Variants in LPP observed in about 807,000 individuals in gnomAD.
LPP encodes the protein LIM domain containing preferred translocation partner in lipoma.
In LPP, 38 loss-of-function variants were observed where a neutral mutation model predicts 60.4. The ratio of observed to expected loss-of-function variants is 0.63; its 90% CI spans 0.49 to 0.83. LPP has a LOEUF of 0.83. Ranked by LOEUF, LPP falls within the 40% of genes least tolerant of loss-of-function variation. The pLI, the probability that LPP is intolerant of heterozygous loss-of-function variation, is 0.00. For missense variants in LPP, 902 were observed against 783.6 expected, an observed-to-expected ratio of 1.15 and a Z score of -1.80; for synonymous variants, 328 against 290.8, an observed-to-expected ratio of 1.13 and a Z score of -1.30.
intron 3 of LPP, among the ~76,000 whole-genome samples, chr3:188,388,770 G>A (rs1778969127): frequency 6.6e-6 from 1 of 152,192 alleles, no homozygotes; most frequent in African/African-American, 2.4e-5. Context: ...TGTAGTAACT[G>A]AAAGCAGTAA....
chr3:188,606,355 T>C (rs1300374273), intron 6 of LPP, among the ~76,000 whole-genome samples: 2 of 152,212 alleles, frequency 1.3e-5, no homozygotes, highest in South Asian at 2.1e-4. Flanking sequence ...TTTCCACATA[T>C]CATTTGTCTC....
intron 2 of LPP, among the ~76,000 whole-genome samples, chr3:188,268,258 A>G (rs574410733): frequency 8.5e-5 from 13 of 152,192 alleles, no homozygotes; most frequent in Admixed American, 7.9e-4. Context: ...TCTGGGGCAA[A>G]GGAGACTGTA....
chr3:188,725,294 G>C (rs879520272), intron 8 of LPP: 3 of 152,172 alleles, frequency 2.0e-5, no homozygotes, highest in Non-Finnish European at 4.4e-5. Context: ...TTCTCCTCTG[G>C]CAGATCAAGC....
At chr3:188,863,043 T>C (rs551725780) in intron 9 of LPP, among the ~76,000 whole-genome samples, 1 of 152,262 alleles carries the variant, frequency 6.6e-6, no homozygotes, top group South Asian at 2.1e-4. Context: ...GAATTATCAG[T>C]GGAGGTGCAT....
At position 188,785,535 on chromosome 3, in the gene LPP, C is replaced by CATATATATATATATAT. The variant is rs369062490; in HGVS notation, c.1410+25266_1410+25267insTATATATATATATATA. Reference sequence around the variant, plus strand: ...ATATATATATATATATATATTCCATCATATATATATATACACACACACACA... The same window carrying CATATATATATATATAT: ...ATATATATATATATATATATTCCATCATATATATATATATATATATATATATATACACACACACACA... On this transcript the variant is annotated intron_variant, in intron 9 of 11. Coordinates refer to ENST00000617246, the MANE Select transcript of LPP (RefSeq NM_001375462.1). Among the ~76,000 whole-genome samples the CATATATATATATATAT allele has an allele frequency of 2.8e-3, 44 of 15,672 alleles. 8 individuals are homozygous for CATATATATATATATAT. Among genetic ancestry groups the CATATATATATATATAT allele is most frequent in the South Asian group, 0.016 (4 of 256 alleles). 10.3% of individuals were successfully genotyped at this position (15,672 alleles called of 152,430 possible).
At chr3:188,507,562 A>G (rs1579456971) in intron 5 of LPP, among the ~76,000 whole-genome samples, 1 of 152,128 alleles carries the variant, frequency 6.6e-6, no homozygotes, top group East Asian at 1.9e-4. Flanking sequence ...CACTAGGCAC[A>G]GATTCCTCAA....
intron 2 of LPP, among the ~76,000 whole-genome samples, chr3:188,227,064 A>G (rs1268020998): frequency 6.6e-6 from 1 of 152,224 alleles, no homozygotes. Context: ...AACTGTGATA[A>G]GTATGAAGCT....
At chr3:188,633,040 C>T (rs1848123518) in intron 7 of LPP, among the ~76,000 whole-genome samples, 2 of 152,162 alleles carry the variant, frequency 1.3e-5, no homozygotes, top group South Asian at 4.1e-4. Flanking sequence ...CAGCCATCAC[C>T]CAGTGTGACC....
intron 6 of LPP, among the ~76,000 whole-genome samples, chr3:188,594,691 G>C (rs1364522423): frequency 6.6e-6 from 1 of 152,088 alleles, no homozygotes; most frequent in Non-Finnish European, 1.5e-5. Context: ...TGGGTGGTTT[G>C]GGAAAAATCC....
At chr3:188,424,762 T>C (rs1560386849) in intron 4 of LPP, among the ~76,000 whole-genome samples, 1 of 152,212 alleles carries the variant, frequency 6.6e-6, no homozygotes, top group Non-Finnish European at 1.5e-5. Context: ...CATTGGTTTA[T>C]AGGAATGCTT....
chr3:188,654,572 C>T (rs112373070), intron 7 of LPP, among the ~76,000 whole-genome samples: 11,435 of 152,058 alleles, frequency 0.075, 473 homozygotes, highest in Non-Finnish European at 0.1. Context: ...ACATATACTC[C>T]ACATATCTCC....
intron 8 of LPP, among the ~76,000 whole-genome samples, chr3:188,740,537 TTTATAA>T: frequency 6.6e-6 from 1 of 152,158 alleles, no homozygotes; most frequent in South Asian, 2.1e-4. Context: ...AGAACATTCT[TTTATAA>T]GAAGTGCTTT....
intron 5 of LPP, among the ~76,000 whole-genome samples, chr3:188,487,729 G>A (rs1209046894): frequency 6.6e-6 from 1 of 152,186 alleles, no homozygotes; most frequent in Non-Finnish European, 1.5e-5. Flanking sequence ...CCATGGTAGA[G>A]CCTAAAGTAG....
At chr3:188,522,900 GTA>G (rs77648105) in intron 5 of LPP, among the ~76,000 whole-genome samples, 22,664 of 149,522 alleles carry the variant, frequency 0.15, 2,077 homozygotes, top group Middle Eastern at 0.25. Flanking sequence ...GTGTGTGTGT[GTA>G]TATACATATA....
intron 7 of LPP, among the ~76,000 whole-genome samples, chr3:188,656,663 T>A (rs2149046382): frequency 6.6e-6 from 1 of 152,336 alleles, no homozygotes; most frequent in East Asian, 1.9e-4. Flanking sequence ...ATTTGGGAGT[T>A]CTTGCTCTTA....
intron 6 of LPP, among the ~76,000 whole-genome samples, chr3:188,579,481 A>C (rs1835540751): frequency 6.6e-6 from 1 of 152,228 alleles, no homozygotes; most frequent in Non-Finnish European, 1.5e-5. Context: ...GTAATTACTT[A>C]AATTATTTCA....
chr3:188,156,341 A>G (rs902463902), intron 1 of LPP, among the ~76,000 whole-genome samples: 2 of 152,230 alleles, frequency 1.3e-5, no homozygotes, highest in South Asian at 4.1e-4. Flanking sequence ...TCTGGTGAAG[A>G]CAGTTCCAGG....
chr3:188,411,974 TC>T (rs1481320707), intron 4 of LPP, among the ~76,000 whole-genome samples: 19 of 582 alleles, frequency 0.033, no homozygotes, highest in African/African-American at 0.035. Flanking sequence ...TCTTTCTCTG[TC>T]TCTCTCTCTC....
At chr3:188,548,594 T>G (rs370754055) in intron 6 of LPP, among the ~76,000 whole-genome samples, 18 of 152,270 alleles carry the variant, frequency 1.2e-4, no homozygotes, top group East Asian at 5.8e-4. Context: ...TCCTGCCTTC[T>G]TTTGGGGGGA....
Sources: gnomAD v4.1 joint callset for allele counts (sites outside exome capture counted in the v4.1 genomes callset) on GRCh38, gnomAD v4.1.1 for gene constraint, MANE v1.5 for transcripts, NCBI Gene and HGNC (gene_info 2026-07-23, HGNC 2026-07-21) for gene names.